GRHL2: variants seen among roughly 807,000 people sequenced by gnomAD.
GRHL2 encodes the protein grainyhead like transcription factor 2.
GRHL2 carries 21 observed loss-of-function variants against 83.8 expected under a neutral mutation model. The ratio of observed to expected loss-of-function variants is 0.25; its 90% confidence interval spans 0.18 to 0.36. The LOEUF is 0.36. GRHL2 is among the 10% of genes least tolerant of loss of function. The pLI is 1.00. For synonymous variants in GRHL2, 280 were observed against 278.9 expected, an observed-to-expected ratio of 1.00 and a Z score of -0.04; for missense variants, 623 against 781.8, an observed-to-expected ratio of 0.80 and a Z score of 2.42.
chr8:101,675,040 C>A, the GRHL2 span, among the ~76,000 whole-genome samples: 1 of 152,110 alleles, frequency 6.6e-6, no homozygotes, highest in Non-Finnish European at 1.5e-5. Flanking sequence ...AATCAATTAG[C>A]TATTGATGGG....
intron 1 of GRHL2, among the ~76,000 whole-genome samples, chr8:101,535,973 A>T (rs1168933193): frequency 6.6e-6 from 1 of 152,210 alleles, no homozygotes; most frequent in Non-Finnish European, 1.5e-5. Context: ...AAATAGGGAA[A>T]ATCCTGGAAA....
At chr8:101,552,247 G>A (rs953247563) in intron 2 of GRHL2, among the ~76,000 whole-genome samples, 3 of 152,202 alleles carry the variant, frequency 2.0e-5, no homozygotes, top group Non-Finnish European at 4.4e-5. Context: ...GGCCCGCCCC[G>A]TGCCTAAGCA....
At chr8:101,632,432 G>C in intron 11 of GRHL2, 67 bp downstream of exon 11, 1 of 1,585,388 alleles carries the variant, frequency 6.3e-7, no homozygotes, top group Admixed American at 1.7e-5. Context: ...TAAGATAGAA[G>C]CATTTCAGAC....
intron 4 of GRHL2, among the ~76,000 whole-genome samples, chr8:101,561,124 T>G (rs1811600082): frequency 6.6e-6 from 1 of 152,056 alleles, no homozygotes; most frequent in South Asian, 2.1e-4. Context: ...TTTCATGTCT[T>G]TCATGTAGGT....
chr8:101,538,878 C>T (rs867097768), intron 1 of GRHL2, among the ~76,000 whole-genome samples: 3 of 152,220 alleles, frequency 2.0e-5, no homozygotes, highest in South Asian at 2.1e-4. Flanking sequence ...TAAAAGGCCC[C>T]TGTGGCTGCC....
intron 1 of GRHL2, chr8:101,542,755 G>A (rs1272630092): frequency 2.2e-6 from 1 of 456,448 alleles, no homozygotes; most frequent in Admixed American, 2.4e-5. Flanking sequence ...ATCTGACCAA[G>A]GACTTCTTGC....
rs750753608 is a variant in GRHL2, at chr8:101,558,800, C to T, written c.666C>T (p.Asp222=). 1 of 1,614,030 alleles carries T rather than the reference C, an allele frequency of 6.2e-7. No homozygotes were observed. The highest frequency in any genetic ancestry group is 8.5e-7 in the Non-Finnish European group (1 of 1,179,974). ...PDSTYSESFK[D]AATEKFRSAS... Reference sequence around the variant, plus strand: ...GCACATACAGCGAGAGCTTCAAGGACGCAGCCACAGAGGTGAGTCCCAGGC... The same window carrying T: ...GCACATACAGCGAGAGCTTCAAGGATGCAGCCACAGAGGTGAGTCCCAGGC... Residue 222 remains aspartate (D), a synonymous_variant, in exon 4 of 16, where the codon GAC becomes GAT. Transcript: ENST00000646743.
Position 101,573,955 on chromosome 8 carries a change from G to A in GRHL2, c.891+131G>A, listed in dbSNP as rs899984412. ...AAATAATTCTAGAACGAATGTCAGA[G>A]AGTTGGGGCAAGAGCACTTATTGGC... is the stretch of plus-strand genomic sequence containing the variant. On this transcript the variant is annotated intron_variant, in intron 6 of 15. Coordinates refer to ENST00000646743, the MANE Select transcript of GRHL2 (RefSeq NM_024915.4). 26 of 1,074,714 alleles carry A rather than the reference G, an allele frequency of 2.4e-5. No homozygotes were observed. In the Admixed American group the frequency reaches 5.2e-4, roughly 21 times the overall value. The allele number at this position is 1,074,714 out of a possible 1,614,324, so 66.6% of individuals were successfully genotyped here. A position where few individuals can be genotyped will look rare whatever the true frequency, so the allele number is the denominator to read the frequency against.
chr8:101,603,731 G>A (rs1696259680), intron 8 of GRHL2, among the ~76,000 whole-genome samples: 1 of 152,192 alleles, frequency 6.6e-6, no homozygotes, highest in African/African-American at 2.4e-5. Flanking sequence ...AGCAGGAATA[G>A]TCTCCAACAG....
At chr8:101,545,964 C>A (rs1272254248) in intron 2 of GRHL2, among the ~76,000 whole-genome samples, 3 of 146,590 alleles carry the variant, frequency 2.0e-5, no homozygotes, top group African/African-American at 5.1e-5. Context: ...TCACTGCAAC[C>A]TCCACCTCCC....
At chr8:101,649,896 GA>G (rs1165825981) in intron 14 of GRHL2, among the ~76,000 whole-genome samples, 1 of 151,286 alleles carries the variant, frequency 6.6e-6, no homozygotes, top group South Asian at 2.1e-4. Flanking sequence ...TCTTGGTTAA[GA>G]AAAAAAAATA....
Position 101,631,697 on chromosome 8 carries a change from C to T in GRHL2, c.1318C>T (p.Gln440Ter). 1 of 1,613,650 alleles carries T rather than the reference C, an allele frequency of 6.2e-7. No homozygotes were observed. The highest frequency in any genetic ancestry group is 8.5e-7 in the Non-Finnish European group (1 of 1,179,676). Residue 440 changes from glutamine (Q) to a stop codon, truncating the protein, a stop_gained, in exon 10 of 16, where the codon CAG (glutamine) becomes TAG (stop). Transcript: ENST00000646743. LOFTEE classifies it high-confidence loss of function. ...GCAGAACAGGAAGAAAGGGAAAGGC[C>T]AGGCCTCCCAAACTCAATGCAACAG... ...RKQNRKKGKG[Q>*]ASQTQCNSSS...
At chr8:101,577,627 T>C in intron 7 of GRHL2, 108 bp downstream of exon 7, 1 of 765,170 alleles carries the variant, frequency 1.3e-6, no homozygotes. Context: ...AGAGCTCTTA[T>C]GATGTGCCCG....
At chr8:101,575,991 G>A (rs1811925609) in intron 6 of GRHL2, among the ~76,000 whole-genome samples, 1 of 152,152 alleles carries the variant, frequency 6.6e-6, no homozygotes, top group African/African-American at 2.4e-5. Flanking sequence ...TGTAAAAATT[G>A]TTTACACATA....
In GRHL2 at chr8:101,516,280, CAAAG is replaced by C. The variant is rs1439799475; in HGVS notation, c.20+23494_20+23497del. On this transcript the variant is annotated intron_variant, in intron 1 of 15. Coordinates refer to ENST00000646743, the MANE Select transcript of GRHL2 (RefSeq NM_024915.4). The stretch of plus-strand genomic sequence containing the variant: ...CTTAAAATATAATTTTAATTTTTAT[CAAAG>C]AAGTATATTTAGTTCAAAATATCAA... 3.9e-5 allele frequency among the ~76,000 whole-genome samples: 6 copies of C among 152,184 alleles called. No individual in the cohort carries two copies. The East Asian group carries it at 1.2e-3, about 29-fold the overall frequency.
chr8:101,655,655 G>A (rs1254435882), intron 14 of GRHL2, among the ~76,000 whole-genome samples: 1 of 152,036 alleles, frequency 6.6e-6, no homozygotes, highest in Non-Finnish European at 1.5e-5. Flanking sequence ...TCCCATACTT[G>A]GTATCATTTG....
chr8:101,620,096 A>G (rs888611054), intron 9 of GRHL2, among the ~76,000 whole-genome samples: 2 of 152,168 alleles, frequency 1.3e-5, no homozygotes, highest in Non-Finnish European at 2.9e-5. Flanking sequence ...GCTTGCAGAC[A>G]GCTGCCTTCT....
intron 14 of GRHL2, among the ~76,000 whole-genome samples, chr8:101,657,294 C>A (rs1230151055): frequency 1.3e-5 from 2 of 152,142 alleles, no homozygotes; most frequent in African/African-American, 4.8e-5. Context: ...AGAAGGCTGG[C>A]TGAATTGGAA....
chr8:101,638,873 G>A (rs1813342504), intron 12 of GRHL2, among the ~76,000 whole-genome samples: 1 of 152,158 alleles, frequency 6.6e-6, no homozygotes, highest in Admixed American at 6.5e-5. Context: ...CTGAGCTCAG[G>A]AAGCCCAAGT....
Sources: allele counts gnomAD v4.1 joint callset (sites outside exome capture counted in the v4.1 genomes callset), GRCh38; gene constraint gnomAD v4.1.1; transcripts MANE v1.5; gene names NCBI Gene and HGNC (gene_info 2026-07-23, HGNC 2026-07-21).